Variants in CAPS2 observed in about 807,000 individuals in gnomAD.
CAPS2 encodes the protein calcyphosine 2.
A neutral mutation model predicts 86.5 loss-of-function variants in CAPS2; 98 were observed. That is an observed-to-expected ratio of 1.13 (90% CI 0.96 to 1.34). The LOEUF (loss-of-function observed/expected upper bound fraction) is 1.34, where lower values mean the gene tolerates loss of function less well. Ranked by LOEUF, CAPS2 falls within the 40% of genes most tolerant of loss-of-function variation. CAPS2 has a pLI of 0.00. For synonymous variants in CAPS2, 210 were observed against 225.1 expected (o/e 0.93, Z 0.60); for missense variants, 729 against 686.8 (o/e 1.06, Z -0.69).
intron 1 of CAPS2, among the ~76,000 whole-genome samples, chr12:75,386,230 G>A (rs1165423349): frequency 6.6e-6 from 1 of 152,138 alleles, no homozygotes; most frequent in Admixed American, 6.6e-5. Context: ...CAAGGTTGCA[G>A]GACTAACACT....
intron 1 of CAPS2, chr12:75,347,730 A>T (rs2042550740): frequency 3.2e-6 from 5 of 1,546,486 alleles, no homozygotes; most frequent in Non-Finnish European, 4.4e-6. Flanking sequence ...TGCGTGAGTT[A>T]TTTTCTCTTA....
At chr12:75,373,391 AGAG>A (rs2044478455) in intron 1 of CAPS2, 1 of 152,202 alleles carries the variant, frequency 6.6e-6, no homozygotes, top group African/African-American at 2.4e-5. Context: ...GACCAATCAT[AGAG>A]GTCCATCCAC....
rs952349009 is a variant in CAPS2, at chr12:75,312,061, G to T, written c.659+787C>A. Among the ~76,000 whole-genome samples, 23 of 152,222 alleles carry T rather than the reference G, an allele frequency of 1.5e-4. No individual in the cohort carries two copies. The East Asian group carries it at 3.9e-3, about 26-fold the overall frequency. ...CAAAGCTAAGTCTTACTTTTTCCTT[G>T]AAGTAGATTATTCCAACCTCTTCAG... On this transcript the variant is annotated intron_variant, in intron 7 of 16. Transcript: ENST00000393284.
At chr12:75,310,160 G>A (rs982961256) in intron 7 of CAPS2, among the ~76,000 whole-genome samples, 2 of 152,088 alleles carry the variant, frequency 1.3e-5, no homozygotes, top group Admixed American at 6.5e-5. Context: ...ATTCTGAAGA[G>A]GCTGAAAGAT....
chr12:75,338,153 C>A (rs1461567893), intron 1 of CAPS2, among the ~76,000 whole-genome samples: 2 of 152,084 alleles, frequency 1.3e-5, no homozygotes, highest in African/African-American at 4.8e-5. Context: ...AAAAACATTA[C>A]AGGTTAGAAA....
chr12:75,379,948 AG>A (rs2044869586), intron 1 of CAPS2, among the ~76,000 whole-genome samples: 1 of 151,900 alleles, frequency 6.6e-6, no homozygotes, highest in African/African-American at 2.4e-5. Flanking sequence ...AAACATGCCC[AG>A]ACTAGGACAT....
At chr12:75,386,855 A>G (rs1232500522) in intron 1 of CAPS2, among the ~76,000 whole-genome samples, 1 of 146,830 alleles carries the variant, frequency 6.8e-6, no homozygotes, top group Non-Finnish European at 1.5e-5. Context: ...GAACGTCCAT[A>G]TACAAGAAAA....
In CAPS2 at chr12:75,346,520, A is replaced by G. The variant is rs112880494; in HGVS notation, c.-394-23298T>C. ...ATTCTCCTGCCTCAGCCTCCTGAGT[A>G]GCTAGGATTACAGGCACATGCCACC... On this transcript the variant is annotated intron_variant, in intron 1 of 5. Coordinates refer to the CAPS2 transcript ENST00000551829. 9.2e-3 allele frequency among the ~76,000 whole-genome samples: 1,403 copies of G among 152,120 alleles called. 16 individuals carry two copies. The highest frequency in any genetic ancestry group is 0.031 in the African/African-American group (1,275 of 41,492).
chr12:75,360,101 A>G (rs1056932852), intron 1 of CAPS2: 7 of 152,146 alleles, frequency 4.6e-5, no homozygotes, highest in African/African-American at 1.7e-4. Context: ...AACTGCCCCC[A>G]TGATCCAATC....
intron 7 of CAPS2, chr12:75,305,924 C>T: frequency 3.1e-6 from 3 of 976,500 alleles, no homozygotes; most frequent in Non-Finnish European, 4.8e-6. Context: ...ATGAAGTCTG[C>T]GCTGGTGAAA....
intron 1 of CAPS2, among the ~76,000 whole-genome samples, chr12:75,345,836 A>G (rs1439310993): frequency 1.3e-5 from 2 of 152,206 alleles, no homozygotes; most frequent in African/African-American, 4.8e-5. Context: ...CAAACAAAAC[A>G]AAAAAAGCTG....
At chr12:75,367,961 T>G (rs2139674828) in intron 1 of CAPS2, among the ~76,000 whole-genome samples, 1 of 152,248 alleles carries the variant, frequency 6.6e-6, no homozygotes, top group Admixed American at 6.5e-5. Context: ...TTATAAAAGT[T>G]TTCTCTTTTC....
intron 1 of CAPS2, among the ~76,000 whole-genome samples, chr12:75,374,561 T>C (rs1322381528): frequency 6.6e-6 from 1 of 152,200 alleles, no homozygotes; most frequent in Non-Finnish European, 1.5e-5. Flanking sequence ...GTCCAGTGTC[T>C]TTGCTTTTTC....
intron 5 of CAPS2, chr12:75,318,074 T>C (rs1565892824): frequency 6.6e-6 from 1 of 152,084 alleles, no homozygotes; most frequent in Non-Finnish European, 1.5e-5. Context: ...AGTCCACATA[T>C]AAGTGAAAAC....
At chr12:75,340,308 C>T (rs2042018834) in intron 1 of CAPS2, among the ~76,000 whole-genome samples, 1 of 151,818 alleles carries the variant, frequency 6.6e-6, no homozygotes, top group African/African-American at 2.4e-5. Flanking sequence ...TTTTCCTCTG[C>T]GTAGATTTTT....
At chr12:75,371,775 T>C (rs977429040) in intron 1 of CAPS2, among the ~76,000 whole-genome samples, 2 of 152,172 alleles carry the variant, frequency 1.3e-5, no homozygotes, top group Admixed American at 6.5e-5. Flanking sequence ...TTAGTACAAG[T>C]GTATACATGC....
intron 1 of CAPS2, chr12:75,343,570 C>T: frequency 2.7e-6 from 2 of 749,516 alleles, no homozygotes; most frequent in Non-Finnish European, 2.1e-6. Context: ...TAATAAATAC[C>T]AAAGAAAAAC....
In CAPS2 at chr12:75,304,285, C is replaced by T. The variant is rs148911015; in HGVS notation, c.779+472G>A. 1.9e-3 allele frequency among the ~76,000 whole-genome samples: 287 copies of T among 152,004 alleles called. 1 individual carries two copies. Among genetic ancestry groups the T allele is most frequent in the African/African-American group, 6.5e-3 (271 of 41,452 alleles). On this transcript the variant is annotated intron_variant, in intron 8 of 16. Transcript: ENST00000393284. Reference sequence around the variant, plus strand: ...TAGATTTTTTTATGTCTACTAAAGCCGAGGTTAGATGTCAGTGAAACTGTT... The same window carrying T: ...TAGATTTTTTTATGTCTACTAAAGCTGAGGTTAGATGTCAGTGAAACTGTT...
upstream of CAPS2, among the ~76,000 whole-genome samples, chr12:75,328,807 T>C (rs1456753484): frequency 6.6e-6 from 1 of 152,218 alleles, no homozygotes; most frequent in East Asian, 1.9e-4. Flanking sequence ...TAGTAGGAAC[T>C]TAACAAATGT....
Sources: gnomAD v4.1 joint callset for allele counts (sites outside exome capture counted in the v4.1 genomes callset) on GRCh38, gnomAD v4.1.1 for gene constraint, MANE v1.5 for transcripts, NCBI Gene and HGNC (gene_info 2026-07-23, HGNC 2026-07-21) for gene names.